The following CNTN5 variants were observed in gnomAD, a reference collection of about 807,000 sequenced individuals.
CNTN5 encodes contactin 5.
In CNTN5, 77 loss-of-function variants were observed where a neutral mutation model predicts 129.1. The observed-to-expected ratio is 0.60, with a 90% confidence interval of 0.50 to 0.72. The LOEUF (loss-of-function observed/expected upper bound fraction) is 0.72, where lower values mean the gene tolerates loss of function less well. Ranked by LOEUF, CNTN5 falls within the 30% of genes least tolerant of loss-of-function variation. The probability of loss-of-function intolerance (pLI) is 0.00; values close to 1 mark genes in which losing one functional copy is unlikely to be tolerated. For missense variants in CNTN5, 1,478 were observed against 1,328.8 expected (o/e 1.11, Z -1.75); for synonymous variants, 509 against 465.6 (o/e 1.09, Z -1.20).
intron 21 of CNTN5, among the ~76,000 whole-genome samples, chr11:100,318,530 C>T (rs1011188450): frequency 6.6e-6 from 1 of 152,102 alleles, no homozygotes; most frequent in African/African-American, 2.4e-5. Flanking sequence ...ACATTATTTT[C>T]CAAAGGGCAA....
At chr11:99,726,252 C>G (rs545685308) in intron 3 of CNTN5, among the ~76,000 whole-genome samples, 14 of 152,276 alleles carry the variant, frequency 9.2e-5, no homozygotes, top group African/African-American at 3.1e-4. Flanking sequence ...AGTTACTTGT[C>G]TGGGAGATCT....
intron 13 of CNTN5, among the ~76,000 whole-genome samples, chr11:100,096,359 G>C (rs1014429286): frequency 3.9e-5 from 6 of 152,046 alleles, no homozygotes; most frequent in African/African-American, 1.4e-4. Flanking sequence ...ATGTTAAGTA[G>C]AGCACATGGC....
At chr11:99,300,536 AT>A (rs1248082526) in intron 1 of CNTN5, among the ~76,000 whole-genome samples, 1 of 151,990 alleles carries the variant, frequency 6.6e-6, no homozygotes, top group Non-Finnish European at 1.5e-5. Flanking sequence ...TGTTGAGGAT[AT>A]TTGTATCTAT....
chr11:99,491,378 G>A (rs1222020850), intron 2 of CNTN5, among the ~76,000 whole-genome samples: 4 of 152,050 alleles, frequency 2.6e-5, no homozygotes, highest in Non-Finnish European at 5.9e-5. Flanking sequence ...CGGACTAAAG[G>A]CGAATTGATT....
intron 7 of CNTN5, among the ~76,000 whole-genome samples, chr11:99,953,236 CTG>C (rs1213835354): frequency 1.3e-5 from 2 of 152,120 alleles, no homozygotes; most frequent in African/African-American, 4.8e-5. Context: ...TTTGTATACT[CTG>C]TAGATGTGGA....
intron 8 of CNTN5, among the ~76,000 whole-genome samples, chr11:99,974,934 T>C (rs571448675): frequency 6.5e-4 from 99 of 152,308 alleles, no homozygotes; most frequent in African/African-American, 2.1e-3. Context: ...GTTTAATAAA[T>C]AAATGAAAGC....
At chr11:99,593,517 A>T (rs1173124314) in intron 3 of CNTN5, among the ~76,000 whole-genome samples, 1 of 152,200 alleles carries the variant, frequency 6.6e-6, no homozygotes, top group Non-Finnish European at 1.5e-5. Flanking sequence ...CTATGACAGA[A>T]TAGTAATTTT....
chr11:99,916,812 T>C (rs1163072365), intron 7 of CNTN5, among the ~76,000 whole-genome samples: 1 of 152,090 alleles, frequency 6.6e-6, no homozygotes, highest in Admixed American at 6.6e-5. Context: ...TGGAACTTAG[T>C]ATAGCTTTAC....
chr11:99,068,231 C>G (rs1266969854), intron 1 of CNTN5, among the ~76,000 whole-genome samples: 1 of 152,130 alleles, frequency 6.6e-6, no homozygotes, highest in Non-Finnish European at 1.5e-5. Flanking sequence ...AGGGACTAAG[C>G]TACAAATCTC....
intron 3 of CNTN5, among the ~76,000 whole-genome samples, chr11:99,584,496 C>T (rs1317333307): frequency 6.6e-6 from 1 of 152,108 alleles, no homozygotes; most frequent in East Asian, 1.9e-4. Flanking sequence ...ACTAATGGAG[C>T]AAAAGCAATG....
intron 3 of CNTN5, among the ~76,000 whole-genome samples, chr11:99,557,515 A>T (rs1350190973): frequency 2.6e-5 from 4 of 151,556 alleles, no homozygotes; most frequent in African/African-American, 2.4e-5. Flanking sequence ...AACATGAAGA[A>T]AACTGCAGAT....
At chr11:99,441,419 C>T (rs777362617) in intron 2 of CNTN5, among the ~76,000 whole-genome samples, 23 of 152,150 alleles carry the variant, frequency 1.5e-4, no homozygotes, top group Admixed American at 2.6e-4. Context: ...CTAGAACTTT[C>T]TAACATATGT....
chr11:100,128,568 C>A (rs1451246948), intron 13 of CNTN5, among the ~76,000 whole-genome samples: 1 of 152,036 alleles, frequency 6.6e-6, no homozygotes, highest in Non-Finnish European at 1.5e-5. Flanking sequence ...ATCACAAGCA[C>A]CTTTACAAGC....
chr11:99,753,965 G>A (rs1434215217), intron 3 of CNTN5, among the ~76,000 whole-genome samples: 2 of 147,952 alleles, frequency 1.4e-5, no homozygotes, highest in Non-Finnish European at 1.5e-5. Flanking sequence ...TGGGATTACA[G>A]GCCTGAGCCA....
intron 8 of CNTN5, among the ~76,000 whole-genome samples, chr11:99,999,614 C>G (rs528162538): frequency 1.2e-3 from 190 of 152,272 alleles, no homozygotes; most frequent in African/African-American, 4.1e-3. Context: ...CCTCAGGGAT[C>G]CAGAACTAGA....
At chr11:99,167,487 AGAAT>A (rs1860926996) in intron 1 of CNTN5, among the ~76,000 whole-genome samples, 1 of 152,184 alleles carries the variant, frequency 6.6e-6, no homozygotes, top group Admixed American at 6.5e-5. Flanking sequence ...ATGCAGCTAC[AGAAT>A]ATATCATTTT....
chr11:99,434,842 C>A (rs1225104564), intron 2 of CNTN5, among the ~76,000 whole-genome samples: 1 of 152,040 alleles, frequency 6.6e-6, no homozygotes, highest in Non-Finnish European at 1.5e-5. Context: ...TTTGACAATT[C>A]AAGAGAAATT....
At chr11:99,470,118 C>T (rs779842218) in intron 2 of CNTN5, among the ~76,000 whole-genome samples, 1 of 152,084 alleles carries the variant, frequency 6.6e-6, no homozygotes, top group African/African-American at 2.4e-5. Flanking sequence ...TCTGTCAGTT[C>T]GTTAGAGTTT....
At chr11:99,074,345 T>C (rs907773089) in intron 1 of CNTN5, among the ~76,000 whole-genome samples, 1 of 152,176 alleles carries the variant, frequency 6.6e-6, no homozygotes, top group Non-Finnish European at 1.5e-5. Flanking sequence ...ACTCTGATGA[T>C]AGTTTCCTTT....
Sources: allele counts gnomAD v4.1 joint callset (sites outside exome capture counted in the v4.1 genomes callset), GRCh38; gene constraint gnomAD v4.1.1; transcripts MANE v1.5; gene names NCBI Gene and HGNC (gene_info 2026-07-23, HGNC 2026-07-21).